The following FTCDNL1 variants were observed in gnomAD, a reference collection of about 807,000 sequenced individuals.
FTCDNL1 encodes formiminotransferase cyclodeaminase N-terminal like, also known as formiminotransferase N-terminal subdomain-containing protein.
Under a neutral mutation model 5.9 loss-of-function variants are expected in FTCDNL1, and 11 were observed. The ratio of observed to expected loss-of-function variants is 1.87; its 90% confidence interval spans 1.18 to 3.10. The LOEUF (loss-of-function observed/expected upper bound fraction) is 3.10, where lower values mean the gene tolerates loss of function less well. Among genes scored for constraint, FTCDNL1 ranks in the 30% most tolerant of loss-of-function variants. The pLI is 0.00. For synonymous variants in FTCDNL1, 58 were observed against 24.8 expected, an observed-to-expected ratio of 2.34 and a Z score of -3.99; for missense variants, 115 against 65.5, an observed-to-expected ratio of 1.76 and a Z score of -2.61.
At chr2:199,674,058 T>C in the FTCDNL1 span, among the ~76,000 whole-genome samples, 2 of 152,158 alleles carry the variant, frequency 1.3e-5, no homozygotes, top group African/African-American at 4.8e-5. Flanking sequence ...TGGTGAAAGA[T>C]ATTTACTATG....
At chr2:199,749,937 G>C in the FTCDNL1 span, among the ~76,000 whole-genome samples, 5 of 151,018 alleles carry the variant, frequency 3.3e-5, no homozygotes, top group Admixed American at 3.3e-4. Context: ...CACAGCGATG[G>C]ACACCCCATT....
At chr2:199,712,137 C>T in the FTCDNL1 span, among the ~76,000 whole-genome samples, 23 of 152,080 alleles carry the variant, frequency 1.5e-4, no homozygotes, top group Non-Finnish European at 2.5e-4. Flanking sequence ...AAAATCAATA[C>T]CCAGCCAAAG....
At chr2:199,832,468 CATA>C (rs1482691576) in intron 3 of FTCDNL1, among the ~76,000 whole-genome samples, 1 of 152,282 alleles carries the variant, frequency 6.6e-6, no homozygotes, top group East Asian at 1.9e-4. Context: ...CATTTATTTT[CATA>C]ATATTTCTCT....
chr2:199,812,262 GAAGA>G lies in FTCDNL1; in HGVS notation c.*439_*442del, dbSNP rs1259178562. ...AACTTCTCTCCCTTGGAAGGTGAAA[GAAGA>G]AAGAAAGAAAAAGAAGAGAAAATTT... On this transcript the variant is annotated 3_prime_UTR_variant, in exon 5 of 5. Transcript: ENST00000420128. 3.3e-5 allele frequency among the ~76,000 whole-genome samples: 5 copies of G among 152,090 alleles called. No homozygotes were observed. The highest frequency in any genetic ancestry group is 1.2e-4 in the African/African-American group (5 of 41,434).
chr2:199,842,253 G>C (rs1452048567), intron 3 of FTCDNL1, among the ~76,000 whole-genome samples: 1 of 152,082 alleles, frequency 6.6e-6, no homozygotes, highest in Non-Finnish European at 1.5e-5. Context: ...GGGCGACAGA[G>C]CAAGACTCCA....
chr2:199,709,185 A>G, the FTCDNL1 span, among the ~76,000 whole-genome samples: 3 of 152,128 alleles, frequency 2.0e-5, no homozygotes, highest in Non-Finnish European at 4.4e-5. Flanking sequence ...ATGTTACTCC[A>G]TCATGACCAG....
downstream of FTCDNL1, among the ~76,000 whole-genome samples, chr2:199,759,310 T>G (rs527429023): frequency 4.7e-3 from 708 of 151,580 alleles, 1 homozygote; most frequent in Middle Eastern, 0.014. Flanking sequence ...TTTTTTTTTG[T>G]AACAAAAATT....
chr2:199,771,474 C>A (rs1428062863), intron 3 of FTCDNL1, among the ~76,000 whole-genome samples: 1 of 152,152 alleles, frequency 6.6e-6, no homozygotes, highest in Non-Finnish European at 1.5e-5. Flanking sequence ...AAAAATAGTT[C>A]TTTGAACAAG....
At chr2:199,758,580 C>A (rs958251350), downstream of FTCDNL1, among the ~76,000 whole-genome samples, 1 of 152,072 alleles carries the variant, frequency 6.6e-6, no homozygotes, top group Non-Finnish European at 1.5e-5. Flanking sequence ...ATGCACACAC[C>A]GCATCTCCCA....
intron 3 of FTCDNL1, 71 bp from the exon 4 acceptor site, chr2:199,819,828 T>C (rs1701579226): frequency 3.1e-6 from 2 of 650,556 alleles, no homozygotes; most frequent in Non-Finnish European, 5.5e-6. Flanking sequence ...AGCATATAAT[T>C]TTTTTGCTGT....
intron 3 of FTCDNL1, among the ~76,000 whole-genome samples, chr2:199,789,856 T>C (rs1244400960): frequency 6.6e-6 from 1 of 152,042 alleles, no homozygotes; most frequent in Non-Finnish European, 1.5e-5. Flanking sequence ...ATATTTACAG[T>C]AGCAACAAAT....
intron 3 of FTCDNL1, among the ~76,000 whole-genome samples, chr2:199,833,515 TG>T (rs1347501573): frequency 6.6e-6 from 1 of 152,238 alleles, no homozygotes; most frequent in African/African-American, 2.4e-5. Flanking sequence ...GTAGTTCAGA[TG>T]GGTCATGGCA....
chr2:199,729,649 T>C, the FTCDNL1 span, among the ~76,000 whole-genome samples: 5 of 152,164 alleles, frequency 3.3e-5, no homozygotes, highest in Non-Finnish European at 7.3e-5. Flanking sequence ...TTACAAGGGA[T>C]GTGAAGGACC....
At chr2:199,802,291 A>C (rs545777259) in intron 3 of FTCDNL1, among the ~76,000 whole-genome samples, 11 of 152,370 alleles carry the variant, frequency 7.2e-5, no homozygotes, top group African/African-American at 2.6e-4. Context: ...GGATAATGAT[A>C]AATCTGCTCC....
the FTCDNL1 span, among the ~76,000 whole-genome samples, chr2:199,717,998 A>AC: frequency 1.3e-5 from 2 of 150,190 alleles, no homozygotes; most frequent in Non-Finnish European, 2.9e-5. Context: ...AAAAAAAAAA[A>AC]ACAAAAAAAA....
chr2:199,846,200 A>T (rs1317607681), intron 2 of FTCDNL1, 30 bp from the exon 3 acceptor site: 1 of 664,288 alleles, frequency 1.5e-6, no homozygotes, highest in African/African-American at 1.8e-5. Context: ...GAAGTGCAAG[A>T]ATTTTTTTTC....
chr2:199,692,716 G>A, the FTCDNL1 span, among the ~76,000 whole-genome samples: 1 of 152,164 alleles, frequency 6.6e-6, no homozygotes, highest in Non-Finnish European at 1.5e-5. Context: ...CTTGAAACTT[G>A]GAGCTCTTTA....
At chr2:199,711,424 C>G in the FTCDNL1 span, among the ~76,000 whole-genome samples, 1 of 151,870 alleles carries the variant, frequency 6.6e-6, no homozygotes, top group African/African-American at 2.4e-5. Flanking sequence ...GGCTTTTCTG[C>G]TTTATTAGAA....
chr2:199,755,989 C>T (rs1009890853), downstream of FTCDNL1, among the ~76,000 whole-genome samples: 1 of 152,128 alleles, frequency 6.6e-6, no homozygotes, highest in Non-Finnish European at 1.5e-5. Context: ...TTAGGCTTAA[C>T]TGATTTGGAA....
Sources: gnomAD v4.1 joint callset for allele counts (sites outside exome capture counted in the v4.1 genomes callset) on GRCh38, gnomAD v4.1.1 for gene constraint, MANE v1.5 for transcripts, NCBI Gene and HGNC (gene_info 2026-07-23, HGNC 2026-07-21) for gene names.